The following NR2F1-AS1 variants were observed in gnomAD, a reference collection of about 807,000 sequenced individuals.
NR2F1-AS1 encodes the protein NR2F1 regulatory antisense RNA 1.
intron 4 of NR2F1-AS1, among the ~76,000 whole-genome samples, chr5:93,442,761 CCT>C (rs1391299872): frequency 6.6e-6 from 1 of 152,216 alleles, no homozygotes; most frequent in Non-Finnish European, 1.5e-5. Flanking sequence ...GTCCCTGACC[CCT>C]GAGTAGCCTA....
At chr5:93,542,306 C>T (rs537616844) in intron 4 of NR2F1-AS1, 10 of 152,048 alleles carry the variant, frequency 6.6e-5, no homozygotes, top group African/African-American at 2.4e-4. Context: ...AAACTATCTT[C>T]TTGAACTTCT....
intron 4 of NR2F1-AS1, among the ~76,000 whole-genome samples, chr5:93,425,570 C>T (rs1749178777): frequency 6.6e-6 from 1 of 152,194 alleles, no homozygotes; most frequent in Non-Finnish European, 1.5e-5. Context: ...CCAACTCTTA[C>T]CATCCATCAA....
At chr5:93,429,462 A>G (rs932659397) in intron 4 of NR2F1-AS1, among the ~76,000 whole-genome samples, 1 of 152,226 alleles carries the variant, frequency 6.6e-6, no homozygotes. Context: ...CCATCCTGTG[A>G]CAATCTGCAG....
chr5:93,480,784 C>T (rs759315659), intron 4 of NR2F1-AS1, among the ~76,000 whole-genome samples: 1 of 151,994 alleles, frequency 6.6e-6, no homozygotes, highest in Non-Finnish European at 1.5e-5. Context: ...TTAATGTATG[C>T]TGCTGAAGTT....
At chr5:93,570,576 G>C (rs1216818930) in intron 1 of NR2F1-AS1, 3 of 151,592 alleles carry the variant, frequency 2.0e-5, no homozygotes, top group Non-Finnish European at 4.4e-5. Flanking sequence ...ACCGGGCCGT[G>C]GGCCTGGGGT....
chr5:93,575,487 C>T (rs1580348237), intron 1 of NR2F1-AS1, among the ~76,000 whole-genome samples: 1 of 151,902 alleles, frequency 6.6e-6, no homozygotes, highest in Non-Finnish European at 1.5e-5. Context: ...TGCCTAATGT[C>T]AGGCTCTTAT....
chr5:93,481,937 A>AT (rs1750608498), intron 4 of NR2F1-AS1, among the ~76,000 whole-genome samples: 1 of 152,154 alleles, frequency 6.6e-6, no homozygotes, highest in Non-Finnish European at 1.5e-5. Context: ...TTATAGCTGT[A>AT]AACACCTATA....
intron 4 of NR2F1-AS1, among the ~76,000 whole-genome samples, chr5:93,530,637 T>C (rs1354199863): frequency 1.3e-5 from 2 of 152,182 alleles, no homozygotes; most frequent in African/African-American, 4.8e-5. Flanking sequence ...TTAAAATGGA[T>C]TTGTGGCATA....
chr5:93,420,826 G>A (rs928732807), intron 4 of NR2F1-AS1, among the ~76,000 whole-genome samples: 1 of 152,148 alleles, frequency 6.6e-6, no homozygotes. Context: ...CTTGCAGACT[G>A]CCAAAGAGCT....
intron 4 of NR2F1-AS1, among the ~76,000 whole-genome samples, chr5:93,442,406 C>T (rs1217164951): frequency 6.6e-6 from 1 of 152,170 alleles, no homozygotes; most frequent in African/African-American, 2.4e-5. Flanking sequence ...CTGCACCTGG[C>T]TCGGAGGGTC....
At chr5:93,569,670 G>T (rs1381694908) in intron 1 of NR2F1-AS1, among the ~76,000 whole-genome samples, 1 of 152,130 alleles carries the variant, frequency 6.6e-6, no homozygotes, top group Non-Finnish European at 1.5e-5. Context: ...CACTATAAAA[G>T]TTTCCACAGT....
intron 4 of NR2F1-AS1, among the ~76,000 whole-genome samples, chr5:93,446,328 A>G (rs2149855043): frequency 6.6e-6 from 1 of 152,364 alleles, no homozygotes; most frequent in South Asian, 2.1e-4. Context: ...AAATCTCCTT[A>G]AGCTGATAAG....
intron 4 of NR2F1-AS1, among the ~76,000 whole-genome samples, chr5:93,439,603 C>T (rs1749517672): frequency 6.6e-6 from 1 of 152,156 alleles, no homozygotes; most frequent in Non-Finnish European, 1.5e-5. Flanking sequence ...CAAGGCTTTT[C>T]TTTTAAAATG....
In NR2F1-AS1 at chr5:93,427,496, G is replaced by T. The variant is rs1327650214; in HGVS notation, n.639-31954C>A. On this transcript the variant is annotated intron_variant and non_coding_transcript_variant, in intron 4 of 5. Transcript: ENST00000660523. ...CTAACCCTGTAAATGAAACTCCACT[G>T]TTACCCATGATCTTTCACCCCAGCT... is the stretch of plus-strand genomic sequence containing the variant. 2.6e-5 allele frequency among the ~76,000 whole-genome samples: 4 copies of T among 152,084 alleles called. No individual in the cohort carries two copies. The East Asian group carries it at 7.7e-4, about 29-fold the overall frequency.
intron 4 of NR2F1-AS1, among the ~76,000 whole-genome samples, chr5:93,508,731 T>C (rs1193248909): frequency 6.6e-6 from 1 of 150,818 alleles, no homozygotes; most frequent in Non-Finnish European, 1.5e-5. Flanking sequence ...AAAAATGAAA[T>C]AAAAAAGAAA....
At chr5:93,540,549 A>C (rs1751927535) in intron 4 of NR2F1-AS1, among the ~76,000 whole-genome samples, 1 of 152,204 alleles carries the variant, frequency 6.6e-6, no homozygotes, top group South Asian at 2.1e-4. Context: ...AGCACTAAAA[A>C]TTGCTTTGAA....
At chr5:93,470,392 T>C (rs570545291) in intron 4 of NR2F1-AS1, among the ~76,000 whole-genome samples, 2 of 152,000 alleles carry the variant, frequency 1.3e-5, no homozygotes, top group African/African-American at 4.8e-5. Context: ...AACAAAATCA[T>C]ATTTCTCTGT....
intron 4 of NR2F1-AS1, among the ~76,000 whole-genome samples, chr5:93,501,036 T>C (rs1211473744): frequency 4.6e-5 from 7 of 152,180 alleles, no homozygotes; most frequent in Admixed American, 3.3e-4. Flanking sequence ...TCATTCTAGA[T>C]GCTATTAAAA....
In NR2F1-AS1 at chr5:93,519,356, T is replaced by C. The variant is rs138381250; in HGVS notation, n.638+34405A>G. ...TTGGCCAAATCTTTATATGCATATG[T>C]ATTTAAGTAAAGCAAATGTATGATA... On this transcript the variant is annotated intron_variant and non_coding_transcript_variant, in intron 4 of 5. Transcript: ENST00000660523. 1.2e-3 allele frequency among the ~76,000 whole-genome samples: 181 copies of C among 152,174 alleles called. 1 individual carries two copies. The highest frequency in any genetic ancestry group is 5.0e-3 in the Admixed American group (76 of 15,262).
Sources: allele counts gnomAD v4.1 joint callset (sites outside exome capture counted in the v4.1 genomes callset), GRCh38; gene constraint gnomAD v4.1.1; transcripts MANE v1.5; gene names NCBI Gene and HGNC (gene_info 2026-07-23, HGNC 2026-07-21).